Variants in ADAMTSL1 observed in about 807,000 individuals in gnomAD.
ADAMTSL1 encodes ADAMTS-like protein 1.
ADAMTSL1 carries 126 observed loss-of-function variants against 201.8 expected under a neutral mutation model. The observed-to-expected ratio is 0.62, with a 90% CI of 0.54 to 0.72. The LOEUF is 0.72. Ranked by LOEUF, ADAMTSL1 falls within the 30% of genes least tolerant of loss-of-function variation. ADAMTSL1 has a pLI of 0.00. For missense variants in ADAMTSL1, 2,679 were observed against 2,277.8 expected (o/e 1.18, Z -3.59); for synonymous variants, 1,121 against 903.4 (o/e 1.24, Z -4.32).
chr9:18,338,071 A>G (rs1406892831), intron 2 of ADAMTSL1, among the ~76,000 whole-genome samples: 1 of 152,124 alleles, frequency 6.6e-6, no homozygotes, highest in East Asian at 1.9e-4. Flanking sequence ...TTTGTTGATT[A>G]CTTTCACTGT....
intron 2 of ADAMTSL1, among the ~76,000 whole-genome samples, chr9:18,285,240 G>C (rs2132648872): frequency 6.6e-6 from 1 of 152,196 alleles, no homozygotes; most frequent in African/African-American, 2.4e-5. Flanking sequence ...TTTATAGTAA[G>C]GAATAAAATC....
intron 2 of ADAMTSL1, among the ~76,000 whole-genome samples, chr9:18,341,836 G>A (rs1835474601): frequency 6.6e-6 from 1 of 152,044 alleles, no homozygotes. Flanking sequence ...GCCAGAGGCA[G>A]GTAATGGGAG....
At chr9:17,969,779 T>A (rs983071119) in intron 1 of ADAMTSL1, among the ~76,000 whole-genome samples, 11 of 152,078 alleles carry the variant, frequency 7.2e-5, no homozygotes, top group African/African-American at 2.7e-4. Context: ...GTCTAAAATT[T>A]ATAAAATATT....
chr9:18,657,724 T>C lies in ADAMTSL1; in HGVS notation c.920T>C (p.Phe307Ser). Residue 307 changes from phenylalanine (F) to serine (S), a missense_variant, in exon 8 of 29, where the codon TTT (phenylalanine) becomes TCT (serine). Coordinates refer to ENST00000380548, the MANE Select transcript of ADAMTSL1 (RefSeq NM_001040272.6). ...IIHRWRETDF[F>S]PCSATCGGGY... Reference sequence around the variant, plus strand: ...CACCGATGGAGGGAGACGGATTTCTTTCCTTGCTCAGCAACCTGTGGAGGA... The same window carrying C: ...CACCGATGGAGGGAGACGGATTTCTCTCCTTGCTCAGCAACCTGTGGAGGA... 6.2e-7 allele frequency: 1 copy of C among 1,614,162 alleles called. No individual in the cohort carries two copies. Among genetic ancestry groups the C allele is most frequent in the Non-Finnish European group, 8.5e-7 (1 of 1,179,982 alleles).
chr9:18,132,251 C>T (rs557198372), intron 1 of ADAMTSL1, among the ~76,000 whole-genome samples: 13 of 152,296 alleles, frequency 8.5e-5, no homozygotes, highest in Admixed American at 7.9e-4. Context: ...TCATCTCCTA[C>T]ATCCTGTCAG....
At chr9:17,955,099 C>T (rs145134784) in intron 1 of ADAMTSL1, among the ~76,000 whole-genome samples, 17 of 152,210 alleles carry the variant, frequency 1.1e-4, no homozygotes, top group Admixed American at 2.0e-4. Flanking sequence ...TGTGTGTATA[C>T]GATATATCGT....
intron 1 of ADAMTSL1, among the ~76,000 whole-genome samples, chr9:18,474,762 A>G (rs1821369073): frequency 6.6e-6 from 1 of 152,170 alleles, no homozygotes; most frequent in African/African-American, 2.4e-5. Context: ...CCAGGTAAAG[A>G]GGGGAATGAG....
chr9:18,683,022 A>G (rs915748148), intron 12 of ADAMTSL1, among the ~76,000 whole-genome samples: 23 of 152,216 alleles, frequency 1.5e-4, no homozygotes, highest in Non-Finnish European at 2.9e-5. Context: ...TAACTTCTAC[A>G]TACAGTAAGT....
At chr9:18,197,906 A>T (rs1473997032) in intron 2 of ADAMTSL1, among the ~76,000 whole-genome samples, 1 of 152,056 alleles carries the variant, frequency 6.6e-6, no homozygotes, top group East Asian at 1.9e-4. Context: ...GTACCAAAAC[A>T]GAGATATAGA....
chr9:18,361,256 T>C (rs1370817002), intron 2 of ADAMTSL1, among the ~76,000 whole-genome samples: 2 of 152,176 alleles, frequency 1.3e-5, no homozygotes, highest in African/African-American at 4.8e-5. Flanking sequence ...AGTCACATTA[T>C]AGAAAATTTG....
At chr9:18,446,644 A>G (rs1006793304) in intron 2 of ADAMTSL1, among the ~76,000 whole-genome samples, 1 of 152,254 alleles carries the variant, frequency 6.6e-6, no homozygotes, top group African/African-American at 2.4e-5. Context: ...AACAAGGCAT[A>G]TTGGTCCTAG....
intron 1 of ADAMTSL1, among the ~76,000 whole-genome samples, chr9:18,006,923 T>G (rs1402759998): frequency 6.6e-6 from 1 of 152,044 alleles, no homozygotes; most frequent in African/African-American, 2.4e-5. Flanking sequence ...TTAGATCGTT[T>G]GTCTAGATTT....
At chr9:18,240,722 A>G (rs1285629790) in intron 2 of ADAMTSL1, among the ~76,000 whole-genome samples, 1 of 152,252 alleles carries the variant, frequency 6.6e-6, no homozygotes, top group Non-Finnish European at 1.5e-5. Flanking sequence ...CATATCTTAT[A>G]CGGCTGTTTC....
chr9:18,534,273 A>G (rs1016169956), intron 3 of ADAMTSL1, among the ~76,000 whole-genome samples: 5 of 152,150 alleles, frequency 3.3e-5, no homozygotes, highest in African/African-American at 7.2e-5. Flanking sequence ...CTTCATTAGT[A>G]GTCACAGCTA....
At chr9:18,713,003 T>C (rs1331803990) in intron 14 of ADAMTSL1, among the ~76,000 whole-genome samples, 1 of 151,624 alleles carries the variant, frequency 6.6e-6, no homozygotes, top group Non-Finnish European at 1.5e-5. Flanking sequence ...CAAACTAAGC[T>C]TCATAAATGA....
intron 17 of ADAMTSL1, among the ~76,000 whole-genome samples, chr9:18,771,454 G>A (rs763094883): frequency 9.2e-5 from 14 of 152,068 alleles, no homozygotes; most frequent in Admixed American, 5.2e-4. Context: ...TCTAGCGTAC[G>A]CCAATTCATT....
At chr9:18,432,378 T>G (rs1477174543) in intron 2 of ADAMTSL1, among the ~76,000 whole-genome samples, 1 of 152,216 alleles carries the variant, frequency 6.6e-6, no homozygotes, top group Non-Finnish European at 1.5e-5. Context: ...GTATGAATCT[T>G]TCAACTAGAA....
chr9:18,449,837 T>C (rs995472560), intron 2 of ADAMTSL1, among the ~76,000 whole-genome samples: 7 of 152,176 alleles, frequency 4.6e-5, no homozygotes, highest in Non-Finnish European at 7.3e-5. Flanking sequence ...TACACTACTA[T>C]ATACCTAGTG....
At chr9:18,376,491 G>A (rs1420076041) in intron 2 of ADAMTSL1, among the ~76,000 whole-genome samples, 1 of 152,150 alleles carries the variant, frequency 6.6e-6, no homozygotes, top group Admixed American at 6.5e-5. Flanking sequence ...CTTCAACACA[G>A]AAAGCAGATG....
Sources: allele counts gnomAD v4.1 joint callset (sites outside exome capture counted in the v4.1 genomes callset), GRCh38; gene constraint gnomAD v4.1.1; transcripts MANE v1.5; gene names NCBI Gene and HGNC (gene_info 2026-07-23, HGNC 2026-07-21).